ARL5A: variants seen among roughly 807,000 people sequenced by gnomAD.
ARL5A encodes the protein ARF like GTPase 5A, also known as ADP-ribosylation factor-like protein 5A.
In ARL5A, 18 loss-of-function variants were observed where a neutral mutation model predicts 25.9. The observed-to-expected ratio is 0.69, with a 90% CI of 0.48 to 1.03. The LOEUF is 1.03. Ranked by LOEUF, ARL5A falls within the 50% of genes least tolerant of loss-of-function variation. The probability of loss-of-function intolerance (pLI) is 0.00; values close to 1 mark genes in which losing one functional copy is unlikely to be tolerated. For missense variants in ARL5A, 170 were observed against 211.9 expected (o/e 0.80, Z 1.23); for synonymous variants, 61 against 67.5 (o/e 0.90, Z 0.47).
At chr2:151,821,637 C>T (rs13395294) in intron 1 of ARL5A, among the ~76,000 whole-genome samples, 14,921 of 152,222 alleles carry the variant, frequency 0.098, 976 homozygotes, top group African/African-American at 0.18. Flanking sequence ...GACGCAGTCT[C>T]GCTGTTGCCC....
Position 151,814,322 on chromosome 2 carries a change from GAA to G in ARL5A, c.108-8_108-7del, listed in dbSNP as rs745849401. The G allele has an allele frequency of 5.3e-6, 8 of 1,519,554 alleles. No homozygotes were observed. The highest frequency in any genetic ancestry group is 7.0e-6 in the Non-Finnish European group (8 of 1,137,938). 94.1% of individuals were successfully genotyped at this position (1,519,554 alleles called of 1,614,324 possible). ...GTACAACTTCATTCATAGAACTGGG[GAA>G]AAAAGTTTATATACATTACAATTAG... On this transcript the variant is annotated splice_polypyrimidine_tract_variant and splice_region_variant and intron_variant, in intron 2 of 5. Transcript: ENST00000295087.
intron 4 of ARL5A, among the ~76,000 whole-genome samples, chr2:151,810,005 C>T (rs934434597): frequency 6.6e-6 from 1 of 152,158 alleles, no homozygotes; most frequent in Non-Finnish European, 1.5e-5. Flanking sequence ...ATTGCTTGAA[C>T]CCAGAAGATG....
At chr2:151,811,961 C>A in intron 4 of ARL5A, among the ~76,000 whole-genome samples, 1 of 152,278 alleles carries the variant, frequency 6.6e-6, no homozygotes, top group Non-Finnish European at 1.5e-5. Flanking sequence ...ACAGCAATTA[C>A]ATTTAAATAT....
intron 1 of ARL5A, among the ~76,000 whole-genome samples, chr2:151,821,415 T>C (rs2099832285): frequency 6.6e-6 from 1 of 151,782 alleles, no homozygotes; most frequent in Non-Finnish European, 1.5e-5. Context: ...ACCTGGAAAA[T>C]ATCCAAAAAA....
intron 5 of ARL5A, among the ~76,000 whole-genome samples, chr2:151,804,060 T>C (rs1268609269): frequency 6.6e-6 from 1 of 152,062 alleles, no homozygotes; most frequent in Admixed American, 6.5e-5. Flanking sequence ...ATGGAGGAAA[T>C]AAAACCATTT....
chr2:151,811,347 A>G (rs113467479), intron 4 of ARL5A, among the ~76,000 whole-genome samples: 92 of 152,274 alleles, frequency 6.0e-4, no homozygotes, highest in African/African-American at 2.1e-3. Context: ...AAAACTCTAT[A>G]TATCTAAATA....
At chr2:151,809,839 T>C (rs2099830592) in intron 4 of ARL5A, among the ~76,000 whole-genome samples, 1 of 152,190 alleles carries the variant, frequency 6.6e-6, no homozygotes, top group African/African-American at 2.4e-5. Flanking sequence ...CCCAGCACTT[T>C]GGGAGGCTGA....
chr2:151,816,108 C>A (rs891704809), intron 1 of ARL5A, among the ~76,000 whole-genome samples: 11 of 152,200 alleles, frequency 7.2e-5, no homozygotes, highest in Admixed American at 3.3e-4. Flanking sequence ...GAGCCTAAAT[C>A]ATCAGAAACA....
At position 151,802,949 on chromosome 2, in the gene ARL5A, T is replaced by C. The variant is rs998706387; in HGVS notation, c.*327A>G. On this transcript the variant is annotated 3_prime_UTR_variant, in exon 6 of 6. Transcript: ENST00000295087. The stretch of plus-strand genomic sequence containing the variant: ...GAAAATAACATTCAACTAGGGAGGG[T>C]TAAACTGATAATAAAGCTCTTAAAA... The C allele has an allele frequency of 4.6e-6, 1 of 217,898 alleles. No homozygotes were observed. Among genetic ancestry groups the C allele is most frequent in the Admixed American group, 5.5e-5 (1 of 18,242 alleles). 13.5% of individuals were successfully genotyped at this position (217,898 alleles called of 1,614,324 possible). A position where few individuals can be genotyped will look rare whatever the true frequency, so the allele number is the denominator to read the frequency against.
At chr2:151,805,886 T>C (rs940120735) in intron 5 of ARL5A, among the ~76,000 whole-genome samples, 6 of 152,178 alleles carry the variant, frequency 3.9e-5, no homozygotes, top group African/African-American at 1.2e-4. Flanking sequence ...ACAAAAATTG[T>C]ACTTTAGTTT....
chr2:151,810,205 T>C (rs2099830655), intron 4 of ARL5A, among the ~76,000 whole-genome samples: 1 of 152,232 alleles, frequency 6.6e-6, no homozygotes, highest in Admixed American at 6.5e-5. Flanking sequence ...AGTTCTAAAG[T>C]TGTATACTTC....
chr2:151,806,473 T>C lies in ARL5A; in HGVS notation c.491+348A>G, dbSNP rs566405758. Among the ~76,000 whole-genome samples the C allele has an allele frequency of 2.0e-4, 30 of 152,284 alleles. 1 individual carries two copies. Among genetic ancestry groups the C allele is most frequent in the Admixed American group, 6.5e-4 (10 of 15,294 alleles). The stretch of plus-strand genomic sequence containing the variant: ...CACTATATGGAAAACACTCCAGACA[T>C]AGGACATGCTCGGCACATGTCAGGT... On this transcript the variant is annotated intron_variant, in intron 5 of 5. Transcript: ENST00000295087.
rs572554701 is a variant in ARL5A, at chr2:151,812,280, C to T, written c.339+77G>A. 4.8e-5 allele frequency: 50 copies of T among 1,037,866 alleles called. No individual in the cohort carries two copies. In the Admixed American group the frequency reaches 7.9e-4, roughly 16 times the overall value. The allele number at this position is 1,037,866 out of a possible 1,614,324, so 64.3% of individuals were successfully genotyped here. A position where few individuals can be genotyped will look rare whatever the true frequency, so the allele number is the denominator to read the frequency against. ...TTAAAAATTTGAAATTGATAGCACC[C>T]TCATGAGAAACTAGAAAACAAAGTA... On this transcript the variant is annotated intron_variant, in intron 4 of 5. Coordinates refer to ENST00000295087, the MANE Select transcript of ARL5A (RefSeq NM_012097.4).
In ARL5A at chr2:151,824,393, G is replaced by A. The variant is rs1251112884; in HGVS notation, c.46+3738C>T. 2.6e-5 allele frequency among the ~76,000 whole-genome samples: 4 copies of A among 152,158 alleles called. No individual in the cohort carries two copies. In the East Asian group the frequency reaches 7.7e-4, roughly 29 times the overall value. ...AAATTATCAACTATCACAAATTGAGGAGCATCTGTATTAGAAGCTAAGACA... is the reference window on the plus strand; with the variant it reads ...AAATTATCAACTATCACAAATTGAGAAGCATCTGTATTAGAAGCTAAGACA... On this transcript the variant is annotated intron_variant, in intron 1 of 5. Transcript: ENST00000295087.
chr2:151,807,082 T>A, intron 4 of ARL5A, 110 bp from the exon 5 acceptor site: 1 of 1,022,970 alleles, frequency 9.8e-7, no homozygotes, highest in Non-Finnish European at 1.4e-6. Context: ...CTCAACTATG[T>A]GACATAAAAG....
chr2:151,828,351 C>T lies in ARL5A; in HGVS notation c.-175G>A. On this transcript the variant is annotated 5_prime_UTR_variant, in exon 1 of 6. Coordinates refer to ENST00000295087, the MANE Select transcript of ARL5A (RefSeq NM_012097.4). ...GAGGCCGAAGCCCAGGCCGCCCTGCCGCGCGCAAGGCCCCGCCGCTGCCGC... is the reference window on the plus strand; with the variant it reads ...GAGGCCGAAGCCCAGGCCGCCCTGCTGCGCGCAAGGCCCCGCCGCTGCCGC... 1 of 518,670 alleles carries T rather than the reference C, an allele frequency of 1.9e-6. No individual in the cohort carries two copies. The allele number at this position is 518,670 out of a possible 1,614,324, so 32.1% of individuals were successfully genotyped here. A position where few individuals can be genotyped will look rare whatever the true frequency, so the allele number is the denominator to read the frequency against.
chr2:151,821,396 A>G (rs542828833), intron 1 of ARL5A, among the ~76,000 whole-genome samples: 37 of 152,318 alleles, frequency 2.4e-4, no homozygotes, highest in Non-Finnish European at 4.7e-4. Context: ...CCAATCAAAC[A>G]TAAGCAGAAC....
At chr2:151,808,852 AGCCTG>A (rs1231043527) in intron 4 of ARL5A, among the ~76,000 whole-genome samples, 1 of 152,214 alleles carries the variant, frequency 6.6e-6, no homozygotes, top group Non-Finnish European at 1.5e-5. Flanking sequence ...GTTTGAAACC[AGCCTG>A]GCCAACAGGG....
intron 1 of ARL5A, among the ~76,000 whole-genome samples, chr2:151,825,095 G>C (rs562277047): frequency 6.6e-6 from 1 of 152,294 alleles, no homozygotes; most frequent in East Asian, 1.9e-4. Context: ...GCTCCATAAA[G>C]GCAGTGGAAT....
Sources: allele counts gnomAD v4.1 joint callset (sites outside exome capture counted in the v4.1 genomes callset), GRCh38; gene constraint gnomAD v4.1.1; transcripts MANE v1.5; gene names NCBI Gene and HGNC (gene_info 2026-07-23, HGNC 2026-07-21).